TET3: variants seen among roughly 807,000 people sequenced by gnomAD.
TET3 encodes tet methylcytosine dioxygenase 3.
Under a neutral mutation model 141.4 loss-of-function variants are expected in TET3, and 19 were observed. That is an observed-to-expected ratio of 0.13 (90% CI 0.09 to 0.20). The LOEUF (loss-of-function observed/expected upper bound fraction) is 0.20. TET3 is among the 10% of genes least tolerant of loss of function. The probability of loss-of-function intolerance (pLI) is 1.00; values close to 1 mark genes in which losing one functional copy is unlikely to be tolerated. For missense variants in TET3, 1,874 were observed against 2,356.9 expected (o/e 0.80, Z 4.24); for synonymous variants, 1,043 against 980.9 (o/e 1.06, Z -1.18).
At chr2:74,031,371 C>G (rs1244856859) in intron 3 of TET3, among the ~76,000 whole-genome samples, 1 of 152,142 alleles carries the variant, frequency 6.6e-6, no homozygotes, top group Non-Finnish European at 1.5e-5. Context: ...CACCCCGACT[C>G]TCAGAAACAG....
intron 2 of TET3, among the ~76,000 whole-genome samples, chr2:74,001,985 G>A (rs1467402391): frequency 6.6e-6 from 1 of 152,094 alleles, no homozygotes; most frequent in Non-Finnish European, 1.5e-5. Context: ...AGAGTGAGGT[G>A]TGGGTGTTTG....
chr2:73,994,092 T>C (rs142459644), intron 2 of TET3, among the ~76,000 whole-genome samples: 37 of 152,220 alleles, frequency 2.4e-4, no homozygotes, highest in Admixed American at 4.6e-4. Flanking sequence ...CCAGTAAGAC[T>C]CAATGGGATT....
At chr2:74,112,894 G>A (rs531445366), downstream of TET3, among the ~76,000 whole-genome samples, 1 of 150,836 alleles carries the variant, frequency 6.6e-6, no homozygotes, top group African/African-American at 2.4e-5. Flanking sequence ...CCAGCTACTC[G>A]AGAGGCTGAG....
intron 6 of TET3, among the ~76,000 whole-genome samples, chr2:74,086,278 C>T (rs930872939): frequency 6.6e-6 from 1 of 152,092 alleles, no homozygotes; most frequent in African/African-American, 2.4e-5. Context: ...TTGGCCCTGA[C>T]ATCTTTTTAT....
intron 8 of TET3, among the ~76,000 whole-genome samples, chr2:74,092,323 T>C (rs1351004845): frequency 2.0e-5 from 3 of 152,044 alleles, no homozygotes; most frequent in Non-Finnish European, 4.4e-5. Context: ...AAATTAGAAT[T>C]CATCTGTATT....
chr2:74,014,938 C>T (rs72905269), intron 3 of TET3, among the ~76,000 whole-genome samples: 3,535 of 152,286 alleles, frequency 0.023, 151 homozygotes, highest in African/African-American at 0.081. Context: ...ACCTCCTGGG[C>T]TCCACTGAAA....
At chr2:74,091,338 G>T (rs750762564) in intron 8 of TET3, among the ~76,000 whole-genome samples, 1 of 152,216 alleles carries the variant, frequency 6.6e-6, no homozygotes, top group Non-Finnish European at 1.5e-5. Flanking sequence ...CACTTCCTGT[G>T]CTCTTACGAT....
chr2:74,023,681 G>A (rs1263524905), intron 3 of TET3, among the ~76,000 whole-genome samples: 1 of 152,192 alleles, frequency 6.6e-6, no homozygotes, highest in Non-Finnish European at 1.5e-5. Context: ...TGGCTCTGGT[G>A]ATTGATATTA....
rs1216888069 is a variant in TET3 at position 74,046,862 on chromosome 2, C to T, written c.945C>T (p.Leu315=). 4 of 1,613,518 alleles carry T rather than the reference C, an allele frequency of 2.5e-6. No individual in the cohort carries two copies. Among genetic ancestry groups the T allele is most frequent in the East Asian group, 2.2e-5 (1 of 44,872 alleles). Residue 315 remains leucine (L), a synonymous_variant, in exon 4 of 12, where the codon CTC becomes CTT. Transcript: ENST00000409262. The surrounding 1 kb of genome is among the most constrained non-coding windows in gnomAD (Gnocchi z 4.3). ...PGPLPPGEAG[L]PAPSTRPLLS... is the part of the protein sequence containing the mutation. ...CTCTGCCTCCTGGTGAGGCCGGCCT[C>T]CCAGCACCAAGCACCAGGCCACTCC...
At chr2:74,016,795 TTTTTTTTTTTGCTTTTACTA>T (rs1685752179) in intron 3 of TET3, among the ~76,000 whole-genome samples, 1 of 151,554 alleles carries the variant, frequency 6.6e-6, no homozygotes, top group Admixed American at 6.6e-5. Context: ...TGTCTTTTTT[TTTTTTTTTTTGCTTTTACTA>T]TTTAATTGAC....
At chr2:74,096,209 A>G (rs949318346) in intron 10 of TET3, among the ~76,000 whole-genome samples, 16 of 152,126 alleles carry the variant, frequency 1.1e-4, no homozygotes, top group African/African-American at 2.9e-4. Flanking sequence ...ACAGACTGGT[A>G]GGAAGCAGGG....
intron 4 of TET3, among the ~76,000 whole-genome samples, chr2:74,061,779 G>A (rs1336222699): frequency 9.1e-5 from 13 of 143,464 alleles, no homozygotes; most frequent in Non-Finnish European, 1.4e-4. Flanking sequence ...CCTCCCAGAC[G>A]GGGTCGCGGC....
In TET3 at chr2:74,068,422, T is replaced by A. The variant is rs113160894; in HGVS notation, c.2495-5127T>A. ...TTGGAGGTCATTTTCTGTCAGTAAA[T>A]CTGAAGCTACTTAATTCCTTTTGAC... On this transcript the variant is annotated intron_variant, in intron 4 of 11. Transcript: ENST00000409262. Among the ~76,000 whole-genome samples, 84 of 152,306 alleles carry A rather than the reference T, an allele frequency of 5.5e-4. No individual in the cohort carries two copies. In the South Asian group the frequency reaches 8.3e-3, roughly 15 times the overall value.
At chr2:74,038,100 C>T (rs1185313384) in intron 3 of TET3, among the ~76,000 whole-genome samples, 2 of 152,140 alleles carry the variant, frequency 1.3e-5, no homozygotes, top group Non-Finnish European at 2.9e-5. Context: ...GAAGACAGTG[C>T]ACTGTAGAGG....
chr2:74,057,170 C>G (rs1014492526), intron 4 of TET3, among the ~76,000 whole-genome samples: 1 of 152,172 alleles, frequency 6.6e-6, no homozygotes, highest in Admixed American at 6.5e-5. Context: ...GCTGAACCAC[C>G]AAACAAAAAT....
At chr2:74,109,247 T>C (rs115362734), downstream of TET3, among the ~76,000 whole-genome samples, 521 of 152,314 alleles carry the variant, frequency 3.4e-3, no homozygotes, top group African/African-American at 0.012. Flanking sequence ...TCTCTTCTTA[T>C]ACAAGTTCCA....
rs58804922 is a variant in TET3 at position 74,039,322 on chromosome 2, C to G, written c.361-6956C>G. ...ATACCTGCTACTTTCTCCAGCCTCT[C>G]TGAGATTTCTTTGAGATAAAACCTT... On this transcript the variant is annotated intron_variant, in intron 3 of 11. Transcript: ENST00000409262. 7.6e-3 allele frequency among the ~76,000 whole-genome samples: 1,161 copies of G among 152,330 alleles called. 13 individuals carry two copies. The highest frequency in any genetic ancestry group is 0.027 in the African/African-American group (1,120 of 41,562).
chr2:74,111,287 G>A (rs1033763434), downstream of TET3, among the ~76,000 whole-genome samples: 2 of 152,136 alleles, frequency 1.3e-5, no homozygotes, highest in African/African-American at 4.8e-5. Context: ...TGACCCTAAT[G>A]CCAATGATTT....
In TET3 at chr2:74,047,746, A is replaced by G. The variant is rs780166838; in HGVS notation, c.1829A>G (p.Lys610Arg). ...AGTGTCCGAAAGCCCATTCAGATCA[A>G]GAAGTCCAGGCCCCGGGAAGCACAG... Reference protein sequence around the residue: ...KPSVRKPIQIKKSRPREAQPL... With the variant: ...KPSVRKPIQIRKSRPREAQPL... The change falls in exon 4 of 12, where the codon AAG becomes AGG. Residue 610 changes from lysine to arginine, a missense_variant. By Grantham distance (26) the Lys-to-Arg change is conservative. Transcript: ENST00000409262. 1.9e-5 allele frequency: 30 copies of G among 1,613,652 alleles called. No homozygotes were observed. The highest frequency in any genetic ancestry group is 2.7e-5 in the African/African-American group (2 of 74,928).
Sources: allele counts gnomAD v4.1 joint callset (sites outside exome capture counted in the v4.1 genomes callset), GRCh38; gene constraint gnomAD v4.1.1; non-coding constraint Gnocchi (gnomAD v3.1); transcripts MANE v1.5; gene names NCBI Gene and HGNC (gene_info 2026-07-23, HGNC 2026-07-21).